GALK2: variants seen among roughly 807,000 people sequenced by gnomAD.
GALK2 encodes the protein N-acetylgalactosamine kinase.
In GALK2, 36 loss-of-function variants were observed where a neutral mutation model predicts 52.4. That is an observed-to-expected ratio of 0.69 (90% CI 0.53 to 0.91). GALK2 has a LOEUF of 0.91. Ranked by LOEUF, GALK2 falls within the 40% of genes least tolerant of loss-of-function variation. The pLI, the probability that GALK2 is intolerant of heterozygous loss-of-function variation, is 0.00. For missense variants in GALK2, 579 were observed against 559.1 expected (o/e 1.04, Z -0.36); for synonymous variants, 176 against 199.1 (o/e 0.88, Z 0.98).
intron 1 of GALK2, among the ~76,000 whole-genome samples, chr15:49,193,660 T>C (rs890722741): frequency 2.0e-5 from 3 of 152,040 alleles, no homozygotes; most frequent in African/African-American, 7.2e-5. Flanking sequence ...GTGTAAGATA[T>C]GGATCTAATT....
chr15:49,341,250 T>C (rs2040689778), intron 3 of GALK2, among the ~76,000 whole-genome samples: 1 of 152,182 alleles, frequency 6.6e-6, no homozygotes, highest in Admixed American at 6.5e-5. Flanking sequence ...CTATTTGGGC[T>C]GTTTTGGTTT....
At chr15:49,170,451 C>A in intron 1 of GALK2, 76 bp downstream of exon 1, 3 of 1,440,108 alleles carry the variant, frequency 2.1e-6, no homozygotes, top group Admixed American at 4.1e-5. Context: ...GCACTTGGCT[C>A]CTCCCTTGGG....
chr15:49,293,047 A>C (rs1465077272), intron 8 of GALK2, among the ~76,000 whole-genome samples: 1 of 152,218 alleles, frequency 6.6e-6, no homozygotes, highest in East Asian at 1.9e-4. Context: ...TTGCAGGCAC[A>C]GGATGGAGTC....
At chr15:49,224,168 T>A (rs552092495) in intron 3 of GALK2, among the ~76,000 whole-genome samples, 1 of 151,116 alleles carries the variant, frequency 6.6e-6, no homozygotes, top group African/African-American at 2.4e-5. Flanking sequence ...TCATATACTT[T>A]GCCCATTTTT....
intron 7 of GALK2, among the ~76,000 whole-genome samples, chr15:49,290,257 T>C (rs1014896813): frequency 2.0e-5 from 3 of 152,260 alleles, no homozygotes; most frequent in Non-Finnish European, 2.9e-5. Flanking sequence ...GAGGCTTTTC[T>C]ATTTGACTCC....
At chr15:49,201,066 G>GTGTGTT (rs1380125462) in intron 1 of GALK2, 96 bp from the exon 2 acceptor site, 2 of 632,778 alleles carry the variant, frequency 3.2e-6, no homozygotes, top group Non-Finnish European at 5.7e-6. Flanking sequence ...GTGTGTGTGT[G>GTGTGTT]TGTGTGTGTG....
chr15:49,215,810 T>C (rs528269796), intron 2 of GALK2, among the ~76,000 whole-genome samples: 22 of 152,358 alleles, frequency 1.4e-4, no homozygotes, highest in Non-Finnish European at 2.6e-4. Context: ...TCATCACTTA[T>C]GGGCATTGAC....
chr15:49,210,502 C>A (rs60144931), intron 2 of GALK2, among the ~76,000 whole-genome samples: 10 of 151,606 alleles, frequency 6.6e-5, no homozygotes, highest in African/African-American at 2.4e-4. Flanking sequence ...TGCAATGGTG[C>A]GATCTCAGCT....
intron 3 of GALK2, among the ~76,000 whole-genome samples, chr15:49,361,100 T>C (rs2044146879): frequency 6.6e-6 from 1 of 152,188 alleles, no homozygotes; most frequent in African/African-American, 2.4e-5. Flanking sequence ...TTTAAGGTGA[T>C]GAATATGTTA....
At chr15:49,206,394 G>A (rs2088289596) in intron 2 of GALK2, among the ~76,000 whole-genome samples, 1 of 151,900 alleles carries the variant, frequency 6.6e-6, no homozygotes, top group African/African-American at 2.4e-5. Context: ...GGACTGCATT[G>A]AATTTGTAGA....
At position 49,307,857 on chromosome 15, in the gene GALK2, T is replaced by A. The variant is rs552634706; in HGVS notation, c.968-11747T>A. Among the ~76,000 whole-genome samples, 14 of 152,356 alleles carry A rather than the reference T, an allele frequency of 9.2e-5. No homozygotes were observed. In the East Asian group the frequency reaches 2.7e-3, roughly 29 times the overall value. The stretch of plus-strand genomic sequence containing the variant: ...TTTCCATGGATTAGTGTGTTTTATG[T>A]TGAAAGTGCATTTTTTTTCATCAGC... On this transcript the variant is annotated intron_variant, in intron 8 of 9. Transcript: ENST00000560031.
At chr15:49,345,007 G>C (rs1477241030) in intron 3 of GALK2, among the ~76,000 whole-genome samples, 1 of 152,088 alleles carries the variant, frequency 6.6e-6, no homozygotes, top group Non-Finnish European at 1.5e-5. Context: ...AACTTTATTT[G>C]CATACAGCTA....
intron 1 of GALK2, among the ~76,000 whole-genome samples, chr15:49,196,649 C>G (rs1307477402): frequency 6.6e-6 from 1 of 152,014 alleles, no homozygotes; most frequent in Non-Finnish European, 1.5e-5. Flanking sequence ...TTTATTGAGT[C>G]TTTTCTCTGT....
intron 2 of GALK2, among the ~76,000 whole-genome samples, chr15:49,211,027 A>G (rs1038619305): frequency 3.3e-5 from 5 of 149,682 alleles, no homozygotes; most frequent in Non-Finnish European, 5.9e-5. Flanking sequence ...TTTCTACCAC[A>G]TGGCTGGGCT....
chr15:49,236,711 C>T (rs1254882738), intron 4 of GALK2, among the ~76,000 whole-genome samples: 1 of 152,098 alleles, frequency 6.6e-6, no homozygotes, highest in Non-Finnish European at 1.5e-5. Flanking sequence ...CATAGTAGGA[C>T]AATAAGAAGT....
chr15:49,192,485 G>GTGTATATATATATATATATA (rs1360198549), intron 1 of GALK2, among the ~76,000 whole-genome samples: 1 of 102,976 alleles, frequency 9.7e-6, no homozygotes, highest in Non-Finnish European at 1.9e-5. Context: ...ATATATATAT[G>GTGTATATATATATATATATA]TATATATATA....
chr15:49,204,296 A>AT (rs780300832), intron 2 of GALK2, among the ~76,000 whole-genome samples: 3,057 of 138,120 alleles, frequency 0.022, 48 homozygotes, highest in Middle Eastern at 0.043. Flanking sequence ...TTCTTCTTTT[A>AT]TTTTTTTTTT....
chr15:49,235,541 T>C, intron 3 of GALK2: 1 of 500,776 alleles, frequency 2.0e-6, no homozygotes, highest in South Asian at 1.6e-5. Flanking sequence ...ATTCATGTGG[T>C]TTACACCAGT....
chr15:49,222,152 T>A (rs2089843958), intron 3 of GALK2, among the ~76,000 whole-genome samples: 1 of 152,172 alleles, frequency 6.6e-6, no homozygotes, highest in Non-Finnish European at 1.5e-5. Context: ...GTATTTTTTT[T>A]TGTAGCTATT....
Sources: allele counts gnomAD v4.1 joint callset (sites outside exome capture counted in the v4.1 genomes callset), GRCh38; gene constraint gnomAD v4.1.1; transcripts MANE v1.5; gene names NCBI Gene and HGNC (gene_info 2026-07-23, HGNC 2026-07-21).